Variants in LYZL2 observed in about 807,000 individuals in gnomAD.
LYZL2 encodes lysozyme like 2.
In LYZL2, 13 loss-of-function variants were observed where a neutral mutation model predicts 17.1. The ratio of observed to expected loss-of-function variants is 0.76; its 90% confidence interval spans 0.49 to 1.21. The LOEUF (loss-of-function observed/expected upper bound fraction) is 1.21. LYZL2 is among the 50% of genes most tolerant of loss of function. The pLI, the probability that LYZL2 is intolerant of heterozygous loss-of-function variation, is 0.00. For synonymous variants in LYZL2, 63 were observed against 74.4 expected (o/e 0.85, Z 0.79); for missense variants, 166 against 189.2 (o/e 0.88, Z 0.72).
intron 3 of LYZL2, among the ~76,000 whole-genome samples, chr10:30,620,387 A>C (rs1369138314): frequency 2.0e-5 from 3 of 152,204 alleles, no homozygotes; most frequent in Non-Finnish European, 2.9e-5. Flanking sequence ...TTTGTTGTCC[A>C]ATCTTCACGA....
chr10:30,627,698 T>G (rs1285597311), intron 1 of LYZL2, among the ~76,000 whole-genome samples: 9 of 152,306 alleles, frequency 5.9e-5, no homozygotes, highest in Admixed American at 1.3e-4. Context: ...AGTAGGCTAT[T>G]AGTCGTTAAG....
intron 3 of LYZL2, among the ~76,000 whole-genome samples, chr10:30,619,136 C>T (rs564936446): frequency 6.6e-6 from 1 of 152,324 alleles, no homozygotes; most frequent in East Asian, 1.9e-4. Context: ...GATACCATCT[C>T]ACATCAGTTA....
intron 3 of LYZL2, among the ~76,000 whole-genome samples, chr10:30,617,674 C>CAAAAAAAAAAAAAAAAAAAAAAAAAG (rs1165550893): frequency 2.0e-5 from 1 of 50,216 alleles, no homozygotes; most frequent in Non-Finnish European, 3.6e-5. Context: ...GACTCTGTCT[C>CAAAAAAAAAAAAAAAAAAAAAAAAAG]AAAAAAAAAA....
intron 1 of LYZL2, among the ~76,000 whole-genome samples, chr10:30,627,245 T>C (rs1927162): frequency 0.029 from 4,396 of 152,196 alleles, 179 homozygotes; most frequent in African/African-American, 0.1. Context: ...TTAGGATTTC[T>C]ATTTTAATTC....
At position 30,629,658 on chromosome 10, in the gene LYZL2, A is replaced by G; in HGVS notation, c.-91T>C. ...TCTCAGTTGAGTCTGCGGAAGAAAC[A>G]CTGCTCCACTTAGTCGGTGACAGGC... On this transcript the variant is annotated 5_prime_UTR_variant, in exon 1 of 5. Coordinates refer to ENST00000647634, the MANE Select transcript of LYZL2 (RefSeq NM_183058.3). 2.5e-6 allele frequency: 4 copies of G among 1,614,202 alleles called. No homozygotes were observed. Among genetic ancestry groups the G allele is most frequent in the Non-Finnish European group, 3.4e-6 (4 of 1,180,004 alleles).
At chr10:30,617,105 G>T (rs372255297) in intron 3 of LYZL2, among the ~76,000 whole-genome samples, 3 of 152,122 alleles carry the variant, frequency 2.0e-5, no homozygotes, top group African/African-American at 7.2e-5. Context: ...GTCTCTAGGG[G>T]TTGGAGAGAC....
At chr10:30,610,441 G>T (rs1186143990), downstream of LYZL2, among the ~76,000 whole-genome samples, 6 of 152,088 alleles carry the variant, frequency 3.9e-5, no homozygotes, top group Non-Finnish European at 2.9e-5. Context: ...ACTAACATAA[G>T]AACAGAAAAC....
At chr10:30,617,674 C>CAAA (rs1165550893) in intron 3 of LYZL2, among the ~76,000 whole-genome samples, 1,189 of 50,182 alleles carry the variant, frequency 0.024, 158 homozygotes, top group Non-Finnish European at 0.033. Context: ...GACTCTGTCT[C>CAAA]AAAAAAAAAA....
In LYZL2 at chr10:30,629,490, C is replaced by T. The variant is rs762459385; in HGVS notation, c.-26+103G>A. 3.3e-5 allele frequency: 37 copies of T among 1,136,034 alleles called. No individual in the cohort carries two copies. The East Asian group carries it at 5.2e-4, about 16-fold the overall frequency. The allele number at this position is 1,136,034 out of a possible 1,614,324, so 70.4% of individuals were successfully genotyped here. On this transcript the variant is annotated intron_variant, in intron 1 of 4. Transcript: ENST00000647634. ...ATCTCAAACAAGTCAAAACAAAACC[C>T]GTAGCAATGATAACCCCAAGCATCA... is the stretch of plus-strand genomic sequence containing the variant.
At chr10:30,622,001 A>G (rs1237055929) in intron 3 of LYZL2, among the ~76,000 whole-genome samples, 1 of 152,226 alleles carries the variant, frequency 6.6e-6, no homozygotes, top group Non-Finnish European at 1.5e-5. Context: ...AAATTGAAGT[A>G]TACTGTTAAG....
At chr10:30,610,594 C>A (rs1838420293), downstream of LYZL2, among the ~76,000 whole-genome samples, 1 of 152,056 alleles carries the variant, frequency 6.6e-6, no homozygotes. Flanking sequence ...ACCTAATGCA[C>A]ACAGGGCTTA....
At chr10:30,616,431 T>C (rs1838528699) in intron 3 of LYZL2, among the ~76,000 whole-genome samples, 1 of 152,248 alleles carries the variant, frequency 6.6e-6, no homozygotes, top group Non-Finnish European at 1.5e-5. Context: ...ACGCCTATAA[T>C]CCCAGCACTT....
chr10:30,619,377 C>T (rs912278048), intron 3 of LYZL2, among the ~76,000 whole-genome samples: 5 of 152,202 alleles, frequency 3.3e-5, no homozygotes, highest in East Asian at 1.9e-4. Context: ...CACATGCACA[C>T]GTATGTTTAT....
chr10:30,629,585 G>C lies in LYZL2; in HGVS notation c.-26+8C>G, dbSNP rs60299374. On this transcript the variant is annotated splice_region_variant and intron_variant, in intron 1 of 4. Transcript: ENST00000647634. ...CAGGTGGCTTCATAAGAGTAATTTA[G>C]GTCTTACTGAAAAGGCAGATTCCTG... is the stretch of plus-strand genomic sequence containing the variant. 4,952 of 1,613,698 alleles carry C rather than the reference G, an allele frequency of 3.1e-3. 24 individuals are homozygous for C. In the African/African-American group the frequency reaches 0.055, roughly 18 times the overall value.
chr10:30,610,432 C>T (rs1838418921), downstream of LYZL2, among the ~76,000 whole-genome samples: 1 of 152,120 alleles, frequency 6.6e-6, no homozygotes. Context: ...CCTCAGCACA[C>T]TAACATAAGA....
chr10:30,618,643 A>C (rs1838572481), intron 3 of LYZL2, among the ~76,000 whole-genome samples: 1 of 152,212 alleles, frequency 6.6e-6, no homozygotes, highest in African/African-American at 2.4e-5. Context: ...CTGAAACTGG[A>C]TCCCTTCCTT....
At chr10:30,606,259 GT>G in the LYZL2 span, among the ~76,000 whole-genome samples, 1 of 151,390 alleles carries the variant, frequency 6.6e-6, no homozygotes, top group Non-Finnish European at 1.5e-5. Flanking sequence ...ATAAAATGTA[GT>G]TTATCTTGTC....
chr10:30,614,516 C>CA (rs1224939521), intron 3 of LYZL2, among the ~76,000 whole-genome samples: 1 of 152,216 alleles, frequency 6.6e-6, no homozygotes, highest in Non-Finnish European at 1.5e-5. Context: ...ACAACTGCAG[C>CA]GGGGGCAGCA....
chr10:30,616,128 G>C (rs548720318), intron 3 of LYZL2, among the ~76,000 whole-genome samples: 4 of 152,250 alleles, frequency 2.6e-5, no homozygotes, highest in Admixed American at 6.5e-5. Flanking sequence ...ATTTTTCCTT[G>C]AGCATGCTAT....
Sources: gnomAD v4.1 joint callset for allele counts (sites outside exome capture counted in the v4.1 genomes callset) on GRCh38, gnomAD v4.1.1 for gene constraint, MANE v1.5 for transcripts, NCBI Gene and HGNC (gene_info 2026-07-23, HGNC 2026-07-21) for gene names.